TPO: variants seen among roughly 807,000 people sequenced by gnomAD.
TPO encodes thyroid microsomal antigen.
TPO carries 78 observed loss-of-function variants against 96.9 expected under a neutral mutation model. That is an observed-to-expected ratio of 0.81 (90% CI 0.67 to 0.97). The LOEUF (loss-of-function observed/expected upper bound fraction) is 0.97. Ranked by LOEUF, TPO falls within the 50% of genes least tolerant of loss-of-function variation. The pLI is 0.00. For missense variants in TPO, 1,252 were observed against 1,274.8 expected (o/e 0.98, Z 0.27); for synonymous variants, 547 against 538.0 (o/e 1.02, Z -0.23).
chr2:1,405,325 C>CA (rs2148380835), intron 1 of TPO, among the ~76,000 whole-genome samples: 1 of 151,834 alleles, frequency 6.6e-6, no homozygotes, highest in South Asian at 2.1e-4. Flanking sequence ...CATGCACCCA[C>CA]CCATCCATCC....
At chr2:1,493,718 T>C (rs1209821538) in intron 10 of TPO, 84 bp from the exon 11 acceptor site, 7 of 1,524,582 alleles carry the variant, frequency 4.6e-6, no homozygotes, top group Non-Finnish European at 6.4e-6. Context: ...GCGCTTCCAG[T>C]CTCGGGGACC....
At chr2:1,382,160 G>A (rs558105615) in intron 1 of TPO, among the ~76,000 whole-genome samples, 19 of 152,246 alleles carry the variant, frequency 1.2e-4, no homozygotes, top group Admixed American at 7.8e-4. Flanking sequence ...CGATGCCCAC[G>A]TAGAACCCGG....
intron 1 of TPO, among the ~76,000 whole-genome samples, chr2:1,391,806 G>T (rs987509513): frequency 6.6e-6 from 1 of 152,020 alleles, no homozygotes; most frequent in Non-Finnish European, 1.5e-5. Context: ...TCATGATTTG[G>T]CTCTCTGTTT....
intron 1 of TPO, among the ~76,000 whole-genome samples, chr2:1,388,373 T>A (rs1337829665): frequency 1.3e-5 from 2 of 152,194 alleles, no homozygotes; most frequent in African/African-American, 4.8e-5. Flanking sequence ...TCGAGCTTCC[T>A]GGCCGCTTTG....
At chr2:1,492,130 G>C (rs1453372195) in intron 10 of TPO, among the ~76,000 whole-genome samples, 1 of 150,900 alleles carries the variant, frequency 6.6e-6, no homozygotes, top group Admixed American at 6.6e-5. Flanking sequence ...CCTGACAGCA[G>C]TTTTCTAAAA....
intron 1 of TPO, among the ~76,000 whole-genome samples, chr2:1,403,550 A>G (rs1235036292): frequency 6.6e-6 from 1 of 152,182 alleles, no homozygotes; most frequent in African/African-American, 2.4e-5. Flanking sequence ...CAAAAATGCC[A>G]TGCACCGTGG....
At chr2:1,455,734 T>C (rs1667727964) in intron 6 of TPO, among the ~76,000 whole-genome samples, 1 of 152,164 alleles carries the variant, frequency 6.6e-6, no homozygotes, top group African/African-American at 2.4e-5. Context: ...AACTCAACTG[T>C]CCTAAAGCCT....
rs201237236 is a variant in TPO at position 1,450,748 on chromosome 2, C to CA, written c.483-2938dup. On this transcript the variant is annotated intron_variant, in intron 5 of 16. Transcript: ENST00000329066. ...CTGCTGACATATAAAAGTCAATCAGCAAAAAAAATCACTGCTTAAGCAGTT... is the reference window on the plus strand; with the variant it reads ...CTGCTGACATATAAAAGTCAATCAGCAAAAAAAAATCACTGCTTAAGCAGTT... Among the ~76,000 whole-genome samples, 537 of 151,436 alleles carry CA rather than the reference C, an allele frequency of 3.5e-3. 6 individuals are homozygous for CA. The highest frequency in any genetic ancestry group is 0.012 in the African/African-American group (507 of 41,322).
At chr2:1,521,555 G>A (rs899094773) in intron 15 of TPO, among the ~76,000 whole-genome samples, 16 of 152,140 alleles carry the variant, frequency 1.1e-4, no homozygotes, top group African/African-American at 3.9e-4. Context: ...AGTCTCTTGA[G>A]ATGGAGTCTG....
At position 1,500,053 on chromosome 2, in the gene TPO, C is replaced by A. The variant is rs940988850; in HGVS notation, c.2386+3288C>A. On this transcript the variant is annotated intron_variant, in intron 13 of 16. Coordinates refer to ENST00000329066, the MANE Select transcript of TPO (RefSeq NM_001206744.2). ...ACACAGTTAGCAGGGCGTCTGTTGA[C>A]TTGGAAGAGTGTTGGTGACATGTCA... Among the ~76,000 whole-genome samples, 8 of 152,192 alleles carry A rather than the reference C, an allele frequency of 5.3e-5. 1 individual carries two copies. The highest frequency in any genetic ancestry group is 7.3e-5 in the Non-Finnish European group (5 of 68,036).
upstream of TPO, among the ~76,000 whole-genome samples, chr2:1,411,828 A>C (rs1662370790): frequency 6.6e-6 from 1 of 152,118 alleles, no homozygotes; most frequent in Non-Finnish European, 1.5e-5. Context: ...CTGTGTGCTA[A>C]CACTAAGGCC....
At chr2:1,511,714 G>A (rs1674151897) in intron 14 of TPO, among the ~76,000 whole-genome samples, 1 of 152,156 alleles carries the variant, frequency 6.6e-6, no homozygotes, top group Admixed American at 6.5e-5. Flanking sequence ...ATCTCATAAG[G>A]ACATAGCTGC....
chr2:1,524,174 C>G (rs1434117122), intron 15 of TPO, among the ~76,000 whole-genome samples: 1 of 145,212 alleles, frequency 6.9e-6, no homozygotes, highest in East Asian at 2.1e-4. Context: ...CTGTGTGCAA[C>G]CTCCTCAAAT....
intron 6 of TPO, among the ~76,000 whole-genome samples, chr2:1,454,656 C>T (rs892575394): frequency 3.3e-5 from 5 of 152,140 alleles, no homozygotes; most frequent in South Asian, 2.1e-4. Context: ...TCCTGCAAGT[C>T]GCTTTCCTTC....
chr2:1,526,094 C>G (rs138207427), intron 15 of TPO, among the ~76,000 whole-genome samples: 1 of 70,870 alleles, frequency 1.4e-5, no homozygotes, highest in African/African-American at 5.9e-5. Context: ...TCCCACTGTG[C>G]GCAACCTCCC....
At chr2:1,458,059 A>C (rs1300227453) in intron 7 of TPO, among the ~76,000 whole-genome samples, 1 of 135,060 alleles carries the variant, frequency 7.4e-6, no homozygotes, top group Non-Finnish European at 1.6e-5. Context: ...AGTGTGTGGG[A>C]ACGTGTTTAT....
chr2:1,379,129 AC>A (rs1661767024), intron 1 of TPO, among the ~76,000 whole-genome samples: 1 of 152,078 alleles, frequency 6.6e-6, no homozygotes, highest in Non-Finnish European at 1.5e-5. Flanking sequence ...ACATGTCGAA[AC>A]CCAGTCTCTA....
At chr2:1,523,699 T>TC (rs1320446519) in intron 15 of TPO, among the ~76,000 whole-genome samples, 1 of 51,726 alleles carries the variant, frequency 1.9e-5, no homozygotes, top group African/African-American at 8.1e-5. Context: ...CCTCCCCAAA[T>TC]CCCCCCCACT....
intron 15 of TPO, among the ~76,000 whole-genome samples, chr2:1,523,873 C>A (rs1675787258): frequency 1.8e-5 from 2 of 108,872 alleles, no homozygotes; most frequent in South Asian, 8.2e-4. Flanking sequence ...CCAAATCCCC[C>A]CAGTGTGTAC....
Sources: allele counts gnomAD v4.1 joint callset (sites outside exome capture counted in the v4.1 genomes callset), GRCh38; gene constraint gnomAD v4.1.1; transcripts MANE v1.5; gene names NCBI Gene and HGNC (gene_info 2026-07-23, HGNC 2026-07-21).